The following CCDC149 variants were observed in gnomAD, a reference collection of about 807,000 sequenced individuals.
The protein encoded by CCDC149 is coiled-coil domain containing 149.
Under a neutral mutation model 59.9 loss-of-function variants are expected in CCDC149, and 45 were observed. The ratio of observed to expected loss-of-function variants is 0.75; its 90% CI spans 0.59 to 0.96. The LOEUF is 0.96. CCDC149 is among the 40% of genes least tolerant of loss of function. CCDC149 has a pLI of 0.00. For missense variants in CCDC149, 584 were observed against 664.7 expected, an observed-to-expected ratio of 0.88 and a Z score of 1.33; for synonymous variants, 245 against 260.6, an observed-to-expected ratio of 0.94 and a Z score of 0.58.
intron 1 of CCDC149, among the ~76,000 whole-genome samples, chr4:24,895,291 C>T (rs1720782658): frequency 6.6e-6 from 1 of 152,118 alleles, no homozygotes; most frequent in African/African-American, 2.4e-5. Flanking sequence ...GGTATGTGCA[C>T]ATGTAAAAAT....
intron 12 of CCDC149, among the ~76,000 whole-genome samples, chr4:24,811,422 G>A (rs1714593707): frequency 6.6e-6 from 1 of 151,958 alleles, no homozygotes; most frequent in African/African-American, 2.4e-5. Context: ...TTGGCCACAT[G>A]CTCCTCGCAA....
chr4:24,936,002 T>TGGAAAGTG (rs1291423013), intron 1 of CCDC149, among the ~76,000 whole-genome samples: 7 of 152,068 alleles, frequency 4.6e-5, no homozygotes, highest in Non-Finnish European at 1.0e-4. Flanking sequence ...CAGGAGGCCA[T>TGGAAAGTG]GGAAAGTGGA....
chr4:24,880,245 T>C (rs1719757675), intron 1 of CCDC149, among the ~76,000 whole-genome samples: 2 of 152,236 alleles, frequency 1.3e-5, no homozygotes, highest in Non-Finnish European at 2.9e-5. Flanking sequence ...TTGTATTCAG[T>C]ACAGTAACGT....
intron 3 of CCDC149, among the ~76,000 whole-genome samples, chr4:24,854,269 C>T (rs1331866368): frequency 6.6e-6 from 1 of 152,192 alleles, no homozygotes. Context: ...TAATTCTCAC[C>T]TGACTTATCA....
rs150459460 is a variant in CCDC149, at chr4:24,826,503, C to T, written c.966-3930G>A. On this transcript the variant is annotated intron_variant, in intron 9 of 12. Transcript: ENST00000635206. ...CTGTGGGAGATCTGTGCAGACACAA[C>T]GGATGCAGGAAGAAAGGCAAAGATC... Among the ~76,000 whole-genome samples, 344 of 152,080 alleles carry T rather than the reference C, an allele frequency of 2.3e-3. 2 individuals carry two copies. The highest frequency in any genetic ancestry group is 0.01 in the Middle Eastern group (3 of 292).
chr4:24,812,459 T>G (rs904126661), intron 12 of CCDC149, among the ~76,000 whole-genome samples: 1 of 152,224 alleles, frequency 6.6e-6, no homozygotes, highest in Non-Finnish European at 1.5e-5. Flanking sequence ...AGACCCACGT[T>G]TCTGGCTGCC....
chr4:24,813,525 T>C (rs997845277), intron 12 of CCDC149, among the ~76,000 whole-genome samples: 1 of 83,002 alleles, frequency 1.2e-5, no homozygotes, highest in Non-Finnish European at 2.6e-5. Flanking sequence ...TATATATATA[T>C]ATAAAACCTA....
chr4:24,979,299 C>A lies in CCDC149; in HGVS notation c.-65+770G>T, dbSNP rs1368322014. On this transcript the variant is annotated intron_variant, in intron 1 of 12. Coordinates refer to the CCDC149 transcript ENST00000389609. ...TGTACACCACCAGGAACAGGGAATG[C>A]CCTCAGACAGAAAGATGCAGGCAAT... Among the ~76,000 whole-genome samples, 3 of 152,142 alleles carry A rather than the reference C, an allele frequency of 2.0e-5. No individual in the cohort carries two copies. The South Asian group carries it at 6.2e-4, about 31-fold the overall frequency.
At chr4:24,941,518 C>G (rs1244700325) in intron 1 of CCDC149, among the ~76,000 whole-genome samples, 1 of 152,094 alleles carries the variant, frequency 6.6e-6, no homozygotes, top group Non-Finnish European at 1.5e-5. Context: ...CATTCAAAAG[C>G]TAGCAGAAGG....
chr4:24,813,492 A>ATATCTATATCTATATATCTATATATC (rs1469334407), intron 12 of CCDC149, among the ~76,000 whole-genome samples: 4 of 6,448 alleles, frequency 6.2e-4, no homozygotes, highest in Admixed American at 3.9e-3. Context: ...CTTGGGGAAT[A>ATATCTATATCTATATATCTATATATC]TATATATATA....
At chr4:24,815,124 A>G (rs1714930518) in intron 12 of CCDC149, among the ~76,000 whole-genome samples, 1 of 152,228 alleles carries the variant, frequency 6.6e-6, no homozygotes, top group Non-Finnish European at 1.5e-5. Context: ...AACGATATAC[A>G]TGAATGCATG....
intron 1 of CCDC149, among the ~76,000 whole-genome samples, chr4:24,944,704 T>G (rs991243177): frequency 5.3e-5 from 8 of 152,186 alleles, no homozygotes; most frequent in African/African-American, 1.7e-4. Context: ...GGCACATGTA[T>G]ACGTATGTAA....
chr4:24,819,321 C>A (rs1715211860), intron 12 of CCDC149, among the ~76,000 whole-genome samples: 1 of 152,138 alleles, frequency 6.6e-6, no homozygotes, highest in Non-Finnish European at 1.5e-5. Flanking sequence ...CCAGGGTCCT[C>A]ACTCTTTATT....
At chr4:24,953,655 A>T (rs1723380767) in intron 1 of CCDC149, among the ~76,000 whole-genome samples, 1 of 152,228 alleles carries the variant, frequency 6.6e-6, no homozygotes, top group Admixed American at 6.5e-5. Flanking sequence ...AAGCATGCAA[A>T]GTATGGCCTA....
chr4:24,900,153 C>A (rs1713909466), intron 1 of CCDC149, among the ~76,000 whole-genome samples: 2 of 152,180 alleles, frequency 1.3e-5, no homozygotes, highest in South Asian at 4.1e-4. Flanking sequence ...TCTCTATCAC[C>A]ACTGCACTGT....
At chr4:24,940,416 A>G (rs1247643609) in intron 1 of CCDC149, among the ~76,000 whole-genome samples, 2 of 152,222 alleles carry the variant, frequency 1.3e-5, no homozygotes, top group Non-Finnish European at 2.9e-5. Flanking sequence ...GGAAAGGAAC[A>G]ACTGGTACCA....
intron 1 of CCDC149, among the ~76,000 whole-genome samples, chr4:24,976,023 GA>G (rs1724176405): frequency 7.1e-6 from 1 of 141,432 alleles, no homozygotes; most frequent in African/African-American, 2.6e-5. Flanking sequence ...GAGGGGAAGG[GA>G]GGGAAGGAGA....
At chr4:24,831,409 T>C in intron 9 of CCDC149, 97 bp downstream of exon 9, 6 of 1,261,050 alleles carry the variant, frequency 4.8e-6, no homozygotes, top group Non-Finnish European at 5.7e-6. Flanking sequence ...TCACCTTCCC[T>C]GCAGGTCCGT....
chr4:24,949,009 A>G (rs1027063262), intron 1 of CCDC149, among the ~76,000 whole-genome samples: 3 of 152,016 alleles, frequency 2.0e-5, no homozygotes, highest in Non-Finnish European at 4.4e-5. Context: ...AGTCAACTAA[A>G]CCTCTTTCTT....
Sources: allele counts gnomAD v4.1 joint callset (sites outside exome capture counted in the v4.1 genomes callset), GRCh38; gene constraint gnomAD v4.1.1; transcripts MANE v1.5; gene names NCBI Gene and HGNC (gene_info 2026-07-23, HGNC 2026-07-21).